Variants in CCND3 observed in about 807,000 individuals in gnomAD.
CCND3 encodes G1/S-specific cyclin-D3.
Under a neutral mutation model 28.7 loss-of-function variants are expected in CCND3, and 9 were observed. The ratio of observed to expected loss-of-function variants is 0.31; its 90% CI spans 0.19 to 0.55. The LOEUF is 0.55. Among genes scored for constraint, CCND3 ranks in the 20% least tolerant of loss-of-function variants. CCND3 has a pLI of 0.93. For missense variants in CCND3, 315 were observed against 385.8 expected, an observed-to-expected ratio of 0.82 and a Z score of 1.54; for synonymous variants, 164 against 163.9, an observed-to-expected ratio of 1.00 and a Z score of 0.00.
At chr6:41,990,883 G>T (rs1762626971) in intron 1 of CCND3, among the ~76,000 whole-genome samples, 1 of 151,702 alleles carries the variant, frequency 6.6e-6, no homozygotes, top group Non-Finnish European at 1.5e-5. Flanking sequence ...GTTTCACCAT[G>T]TTGGCCAGAC....
intron 1 of CCND3, among the ~76,000 whole-genome samples, chr6:41,974,932 A>G (rs1415407981): frequency 6.6e-6 from 1 of 151,350 alleles, no homozygotes; most frequent in Non-Finnish European, 1.5e-5. Flanking sequence ...AGGTGGGATT[A>G]CAGGCGCCTG....
chr6:41,992,790 G>T (rs763695358), intron 1 of CCND3, among the ~76,000 whole-genome samples: 5 of 151,804 alleles, frequency 3.3e-5, no homozygotes, highest in Non-Finnish European at 5.9e-5. Flanking sequence ...TGTCACCTAG[G>T]CTAGAGTATG....
Position 41,935,841 on chromosome 6 carries a change from C to T in CCND3, c.*99G>A, listed in dbSNP as rs897423308. ...GGCTTTGTGAAGGGGGAACAGACGC[C>T]CCTTCAGGCTTAGATGTGGTGTGGT... On this transcript the variant is annotated 3_prime_UTR_variant, in exon 5 of 5. Coordinates refer to ENST00000372991, the MANE Select transcript of CCND3 (RefSeq NM_001760.5). 3 of 1,155,060 alleles carry T rather than the reference C, an allele frequency of 2.6e-6. No individual in the cohort carries two copies. The highest frequency in any genetic ancestry group is 3.1e-5 in the African/African-American group (2 of 65,470). 71.6% of individuals were successfully genotyped at this position (1,155,060 alleles called of 1,614,324 possible). A position where few individuals can be genotyped will look rare whatever the true frequency, so the allele number is the denominator to read the frequency against.
At chr6:41,961,268 G>A (rs1761708099) in intron 1 of CCND3, among the ~76,000 whole-genome samples, 1 of 151,912 alleles carries the variant, frequency 6.6e-6, no homozygotes, top group African/African-American at 2.4e-5. Context: ...GAGGTCAGGA[G>A]TTCAAGACCA....
chr6:42,045,266 C>T (rs1010701011), intron 1 of CCND3, among the ~76,000 whole-genome samples: 2 of 151,744 alleles, frequency 1.3e-5, no homozygotes, highest in African/African-American at 2.4e-5. Context: ...AGTTAATTCA[C>T]GAGTAAAGAG....
chr6:42,016,264 C>T (rs1385136371), intron 1 of CCND3, among the ~76,000 whole-genome samples: 6 of 152,162 alleles, frequency 3.9e-5, no homozygotes, highest in Non-Finnish European at 7.4e-5. Context: ...CCATAGTCAC[C>T]ATGTTGTACG....
At chr6:41,951,720 T>A (rs1433443257) in intron 1 of CCND3, among the ~76,000 whole-genome samples, 1 of 151,926 alleles carries the variant, frequency 6.6e-6, no homozygotes, top group Admixed American at 6.6e-5. Flanking sequence ...ATAGTAATAA[T>A]ACTATTAGGT....
At chr6:41,955,533 G>C (rs184285333) in intron 1 of CCND3, among the ~76,000 whole-genome samples, 6 of 151,576 alleles carry the variant, frequency 4.0e-5, no homozygotes, top group Admixed American at 4.0e-4. Flanking sequence ...GCAAAGCAGG[G>C]ATAAGTGGGA....
intron 1 of CCND3, among the ~76,000 whole-genome samples, chr6:42,033,547 G>A (rs1459910173): frequency 1.3e-5 from 2 of 151,054 alleles, no homozygotes; most frequent in Non-Finnish European, 2.9e-5. Flanking sequence ...TATAAAATGA[G>A]TTAAAATTAA....
chr6:41,978,051 T>C (rs1762231227), intron 1 of CCND3, among the ~76,000 whole-genome samples: 1 of 149,228 alleles, frequency 6.7e-6, no homozygotes, highest in South Asian at 2.2e-4. Flanking sequence ...TGAGACCCTG[T>C]CTCAAAAAAA....
rs911239855 is a variant in CCND3, at chr6:41,935,789, C to T, written c.*151G>A. 9 of 744,820 alleles carry T rather than the reference C, an allele frequency of 1.2e-5. No individual in the cohort carries two copies. The highest frequency in any genetic ancestry group is 1.7e-5 in the African/African-American group (1 of 57,772). The allele number at this position is 744,820 out of a possible 1,614,324, so 46.1% of individuals were successfully genotyped here. ...TGGCCGGGCCCCTTAGTGCACACTG[C>T]GGGGATGGGTAGGACCAGATCCCTT... On this transcript the variant is annotated 3_prime_UTR_variant, in exon 5 of 5. Coordinates refer to ENST00000372991, the MANE Select transcript of CCND3 (RefSeq NM_001760.5).
intron 1 of CCND3, among the ~76,000 whole-genome samples, chr6:41,982,856 G>A (rs574038123): frequency 3.5e-5 from 5 of 144,610 alleles, no homozygotes; most frequent in East Asian, 2.0e-4. Flanking sequence ...AACAAATGGT[G>A]CTGGAACAAC....
chr6:41,998,079 A>T (rs1261332103), intron 1 of CCND3, among the ~76,000 whole-genome samples: 1 of 151,936 alleles, frequency 6.6e-6, no homozygotes, highest in African/African-American at 2.4e-5. Context: ...ACTTGAGGTC[A>T]GGAGTTCAAG....
At chr6:41,956,955 C>T (rs548934197) in intron 1 of CCND3, among the ~76,000 whole-genome samples, 13 of 152,208 alleles carry the variant, frequency 8.5e-5, no homozygotes, top group East Asian at 5.8e-4. Flanking sequence ...GGCATGAACC[C>T]GGGAGGCGGA....
At chr6:42,044,480 C>G (rs577530088) in intron 1 of CCND3, among the ~76,000 whole-genome samples, 2 of 152,282 alleles carry the variant, frequency 1.3e-5, no homozygotes, top group East Asian at 3.9e-4. Context: ...GGGGGAAAAT[C>G]ACATCAGGGG....
intron 1 of CCND3, among the ~76,000 whole-genome samples, chr6:42,013,779 A>C (rs1033843739): frequency 2.6e-5 from 4 of 152,202 alleles, no homozygotes; most frequent in African/African-American, 9.6e-5. Flanking sequence ...CCATTCATTC[A>C]AGAATGACTC....
At chr6:42,046,025 G>A (rs79710947) in intron 1 of CCND3, among the ~76,000 whole-genome samples, 2,601 of 152,242 alleles carry the variant, frequency 0.017, 62 homozygotes, top group African/African-American at 0.059. Context: ...CTGCTTACCC[G>A]TTTTCTCAGT....
chr6:42,004,088 G>GTA (rs1184044100), intron 1 of CCND3, among the ~76,000 whole-genome samples: 5 of 148,868 alleles, frequency 3.4e-5, no homozygotes, highest in Admixed American at 1.3e-4. Flanking sequence ...GTGTGTGTGT[G>GTA]TATGTATTTT....
At chr6:41,958,932 T>C (rs935805129) in intron 1 of CCND3, among the ~76,000 whole-genome samples, 1 of 152,190 alleles carries the variant, frequency 6.6e-6, no homozygotes, top group Non-Finnish European at 1.5e-5. Flanking sequence ...AAATGTTCAA[T>C]AGAGTTACCA....
Sources: gnomAD v4.1 joint callset for allele counts (sites outside exome capture counted in the v4.1 genomes callset) on GRCh38, gnomAD v4.1.1 for gene constraint, MANE v1.5 for transcripts, NCBI Gene and HGNC (gene_info 2026-07-23, HGNC 2026-07-21) for gene names.